Variants in AMPH observed in about 807,000 individuals in gnomAD.
AMPH encodes amphiphysin (Stiff-Mann syndrome with breast cancer 128kD autoantigen).
A neutral mutation model predicts 99.1 loss-of-function variants in AMPH; 49 were observed. That is an observed-to-expected ratio of 0.49 (90% CI 0.39 to 0.63). AMPH has a LOEUF of 0.63. Ranked by LOEUF, AMPH falls within the 20% of genes least tolerant of loss-of-function variation. AMPH has a pLI of 0.00. For synonymous variants in AMPH, 314 were observed against 317.3 expected, an observed-to-expected ratio of 0.99 and a Z score of 0.11; for missense variants, 759 against 863.4, an observed-to-expected ratio of 0.88 and a Z score of 1.52.
At chr7:38,401,737 T>G (rs1395515270) in intron 17 of AMPH, among the ~76,000 whole-genome samples, 3 of 152,232 alleles carry the variant, frequency 2.0e-5, no homozygotes, top group Non-Finnish European at 1.5e-5. Context: ...TTTTAAACTT[T>G]AAACTCAAAT....
intron 4 of AMPH, 45 bp downstream of exon 4, chr7:38,494,388 G>T: frequency 1.3e-6 from 2 of 1,529,842 alleles, no homozygotes; most frequent in South Asian, 1.1e-5. Context: ...CAGGTGGACT[G>T]AGCAAGGGTC....
At chr7:38,613,561 C>T (rs991813738) in intron 1 of AMPH, among the ~76,000 whole-genome samples, 2 of 152,152 alleles carry the variant, frequency 1.3e-5, no homozygotes, top group African/African-American at 4.8e-5. Context: ...CTGTTCTGAG[C>T]GGAGAGTATT....
At chr7:38,541,463 C>T (rs1057355052) in intron 1 of AMPH, among the ~76,000 whole-genome samples, 5 of 152,188 alleles carry the variant, frequency 3.3e-5, no homozygotes, top group South Asian at 2.1e-4. Flanking sequence ...ATGCATCCTT[C>T]GGTGTGGTTC....
chr7:38,455,237 A>T (rs1787186359), intron 11 of AMPH, among the ~76,000 whole-genome samples: 1 of 151,892 alleles, frequency 6.6e-6, no homozygotes, highest in Non-Finnish European at 1.5e-5. Context: ...TGCCCGGCTA[A>T]TTTTTGTATT....
intron 1 of AMPH, among the ~76,000 whole-genome samples, chr7:38,627,387 C>CAAAAAAAAAAAAAAAAAAAAAAAAAAAAA: frequency 8.6e-6 from 1 of 116,936 alleles, no homozygotes; most frequent in Non-Finnish European, 1.7e-5. Flanking sequence ...ACTAAAAATA[C>CAAAAAAAAAAAAAAAAAAAAAAAAAAAAA]AAAAAAAAAA....
chr7:38,429,178 G>A (rs1460849724), intron 14 of AMPH: 1 of 1,289,830 alleles, frequency 7.8e-7, no homozygotes, highest in Non-Finnish European at 1.0e-6. Context: ...TCCATGGCTG[G>A]CATGTCTGAG....
rs972059705 is a variant in AMPH at position 38,578,439 on chromosome 7, G to A, written c.70-43428C>T. Among the ~76,000 whole-genome samples, 15 of 151,196 alleles carry A rather than the reference G, an allele frequency of 9.9e-5. No homozygotes were observed. The East Asian group carries it at 1.2e-3, about 12-fold the overall frequency. ...AGTATTTATCATATTAGATTTTAAC[G>A]AAAATTTTTTTTAAATATTGCATCA... On this transcript the variant is annotated intron_variant, in intron 1 of 20. Transcript: ENST00000356264.
chr7:38,482,380 T>C (rs1193356822), intron 5 of AMPH, among the ~76,000 whole-genome samples: 2 of 152,144 alleles, frequency 1.3e-5, no homozygotes, highest in African/African-American at 2.4e-5. Flanking sequence ...TCTTTGTATA[T>C]GACCTCAACC....
intron 17 of AMPH, among the ~76,000 whole-genome samples, chr7:38,414,243 T>A (rs1785300846): frequency 1.3e-5 from 2 of 152,216 alleles, no homozygotes; most frequent in African/African-American, 2.4e-5. Flanking sequence ...AGTGGTAAAA[T>A]TTTTAAAAAA....
At chr7:38,568,240 C>T (rs368693557) in intron 1 of AMPH, among the ~76,000 whole-genome samples, 198 of 152,184 alleles carry the variant, frequency 1.3e-3, no homozygotes, top group African/African-American at 4.4e-3. Context: ...CCGAGGCAGG[C>T]GGATCACGAG....
chr7:38,524,697 T>G (rs1033403973), intron 2 of AMPH, among the ~76,000 whole-genome samples: 1 of 152,206 alleles, frequency 6.6e-6, no homozygotes, highest in Non-Finnish European at 1.5e-5. Context: ...AGCAGTTCTG[T>G]ATACTATTAT....
chr7:38,514,223 G>C (rs1789650990), intron 2 of AMPH, among the ~76,000 whole-genome samples: 2 of 152,182 alleles, frequency 1.3e-5, no homozygotes, highest in African/African-American at 4.8e-5. Flanking sequence ...TTCTGGAATA[G>C]CTAGATCAAT....
In AMPH at chr7:38,467,345, A is replaced by AGACC. The variant is rs547524321; in HGVS notation, c.591-1101_591-1098dup. On this transcript the variant is annotated intron_variant, in intron 7 of 20. Coordinates refer to ENST00000356264, the MANE Select transcript of AMPH (RefSeq NM_001635.4). Reference sequence around the variant, plus strand: ...AGGCAGCAGCTTGACAGGCAAGGAGAGACCCTACAGGCTACCTATACATTA... The same window carrying AGACC: ...AGGCAGCAGCTTGACAGGCAAGGAGAGACCGACCCTACAGGCTACCTATACATTA... 7.2e-5 allele frequency among the ~76,000 whole-genome samples: 11 copies of AGACC among 152,294 alleles called. No individual in the cohort carries two copies. In the South Asian group the frequency reaches 2.3e-3, roughly 32 times the overall value.
chr7:38,468,241 T>C (rs950290115), intron 7 of AMPH, among the ~76,000 whole-genome samples: 1 of 152,246 alleles, frequency 6.6e-6, no homozygotes. Context: ...GAAGTTTATA[T>C]TTCTTCAATT....
chr7:38,436,118 G>A (rs561167030), intron 12 of AMPH, among the ~76,000 whole-genome samples, 154 bp downstream of exon 12: 2 of 152,086 alleles, frequency 1.3e-5, no homozygotes, highest in Admixed American at 6.5e-5. Context: ...TATAGATAAG[G>A]TCCCCTTTCT....
chr7:38,628,166 G>A (rs529937999), intron 1 of AMPH, among the ~76,000 whole-genome samples: 1 of 152,210 alleles, frequency 6.6e-6, no homozygotes, highest in African/African-American at 2.4e-5. Flanking sequence ...CACAATTCAA[G>A]AACAAAAACA....
chr7:38,620,614 A>G (rs1794028026), intron 1 of AMPH, among the ~76,000 whole-genome samples: 1 of 151,294 alleles, frequency 6.6e-6, no homozygotes, highest in African/African-American at 2.4e-5. Flanking sequence ...AATGTTGATT[A>G]AATGTTAGGC....
chr7:38,555,838 T>C (rs141061083), intron 1 of AMPH, among the ~76,000 whole-genome samples: 2 of 152,294 alleles, frequency 1.3e-5, no homozygotes, highest in African/African-American at 2.4e-5. Context: ...ATATATACTT[T>C]AGATATTAGA....
At chr7:38,562,704 T>C (rs1299041990) in intron 1 of AMPH, among the ~76,000 whole-genome samples, 4 of 149,440 alleles carry the variant, frequency 2.7e-5, no homozygotes, top group Non-Finnish European at 3.0e-5. Flanking sequence ...AAAAGGGGAG[T>C]GAAAATGTAA....
Sources: allele counts gnomAD v4.1 joint callset (sites outside exome capture counted in the v4.1 genomes callset), GRCh38; gene constraint gnomAD v4.1.1; transcripts MANE v1.5; gene names NCBI Gene and HGNC (gene_info 2026-07-23, HGNC 2026-07-21).